The following ZNF10 variants were observed in gnomAD, a reference collection of about 807,000 sequenced individuals.
ZNF10 encodes zinc finger protein 10.
ZNF10 carries 8 observed loss-of-function variants against 12.2 expected under a neutral mutation model. The observed-to-expected ratio is 0.66, with a 90% CI of 0.39 to 1.18. The LOEUF (loss-of-function observed/expected upper bound fraction) is 1.18. ZNF10 is among the 50% of genes most tolerant of loss of function. The pLI, the probability that ZNF10 is intolerant of heterozygous loss-of-function variation, is 0.01. For missense variants in ZNF10, 603 were observed against 678.9 expected (o/e 0.89, Z 1.24); for synonymous variants, 229 against 228.2 (o/e 1.00, Z -0.03).
intron 2 of ZNF10, among the ~76,000 whole-genome samples, chr12:133,144,749 A>G (rs143947441): frequency 0.013 from 2,044 of 152,344 alleles, 18 homozygotes; most frequent in Middle Eastern, 0.024. Flanking sequence ...TAAAAATAGT[A>G]GAATAGTAGT....
intron 1 of ZNF10, among the ~76,000 whole-genome samples, chr12:133,137,352 C>T (rs1392873637): frequency 2.0e-5 from 3 of 152,210 alleles, no homozygotes; most frequent in African/African-American, 7.2e-5. Context: ...CTGAGAATGG[C>T]ATTCTTGGCT....
At chr12:133,151,206 A>G (rs200884607) in intron 3 of ZNF10, 52 bp downstream of exon 3, 515 of 1,563,888 alleles carry the variant, frequency 3.3e-4, no homozygotes, top group Non-Finnish European at 4.2e-4. Flanking sequence ...ATCAAAAGGT[A>G]CAGAGACCCT....
In ZNF10 at chr12:133,157,318, T is replaced by C. The variant is rs751939926; in HGVS notation, c.*350T>C. On this transcript the variant is annotated 3_prime_UTR_variant, in exon 5 of 5. Transcript: ENST00000248211. ...ATGAGTATGCTACTATAGGGAGAGT[T>C]GTTGCTGAGAATTAAGAAATGATAC... 2.8e-5 allele frequency: 5 copies of C among 176,310 alleles called. No individual in the cohort carries two copies. Among genetic ancestry groups the C allele is most frequent in the Non-Finnish European group, 5.9e-5 (5 of 84,646 alleles). 10.9% of individuals were successfully genotyped at this position (176,310 alleles called of 1,614,324 possible).
At chr12:133,150,921 T>C in intron 2 of ZNF10, 107 bp from the exon 3 acceptor site, 1 of 1,400,804 alleles carries the variant, frequency 7.1e-7, no homozygotes. Flanking sequence ...CCATCCACTT[T>C]ACCTGCCCCA....
intron 1 of ZNF10, 41 bp downstream of exon 1, chr12:133,130,795 C>T (rs1019096833): frequency 1.3e-5 from 2 of 152,304 alleles, no homozygotes; most frequent in Non-Finnish European, 2.9e-5. Context: ...GCATCGTCAT[C>T]AGGCGCGTGT....
intron 1 of ZNF10, among the ~76,000 whole-genome samples, chr12:133,138,925 T>C (rs1296343497): frequency 1.3e-5 from 2 of 152,236 alleles, no homozygotes; most frequent in African/African-American, 2.4e-5. Flanking sequence ...AAAAGGAACC[T>C]TGTACTCCTG....
chr12:133,148,752 T>G lies in ZNF10; in HGVS notation c.34-2276T>G, dbSNP rs1029397019. On this transcript the variant is annotated intron_variant, in intron 2 of 4. Transcript: ENST00000248211. ...GTTTCTAGGTTGTATTCAATGTTGGTTTTTTTTTTTTTTTTTTGAGTTGGA... is the reference window on the plus strand; with the variant it reads ...GTTTCTAGGTTGTATTCAATGTTGGGTTTTTTTTTTTTTTTTTGAGTTGGA... Among the ~76,000 whole-genome samples, 75 of 134,790 alleles carry G rather than the reference T, an allele frequency of 5.6e-4. 1 individual carries two copies. The highest frequency in any genetic ancestry group is 2.1e-3 in the African/African-American group (68 of 32,470). The allele number at this position is 134,790 out of a possible 152,430, so 88.4% of individuals were successfully genotyped here.
chr12:133,134,262 G>A (rs531185172), intron 1 of ZNF10, among the ~76,000 whole-genome samples: 2 of 151,900 alleles, frequency 1.3e-5, no homozygotes, highest in East Asian at 1.9e-4. Flanking sequence ...GCAATGAGCC[G>A]AGATTGCTTC....
chr12:133,156,767 C>A lies in ZNF10; in HGVS notation c.1521C>A (p.His507Gln). 6.3e-7 allele frequency: 1 copy of A among 1,592,552 alleles called. No individual in the cohort carries two copies. The highest frequency in any genetic ancestry group is 8.5e-7 in the Non-Finnish European group (1 of 1,171,360). ...AFIRKNDLIK[H>Q]QRIHVGEETY... ...TCCGGAAGAATGACCTCATTAAGCACCAGAGAATTCATGTTGGAGAAGAGA... is the reference window on the plus strand; with the variant it reads ...TCCGGAAGAATGACCTCATTAAGCAACAGAGAATTCATGTTGGAGAAGAGA... The change falls in exon 5 of 5, where the codon CAC becomes CAA. Residue 507 changes from histidine (H) to glutamine (Q), a missense_variant. Coordinates refer to ENST00000248211, the MANE Select transcript of ZNF10 (RefSeq NM_015394.5).
chr12:133,135,822 A>C (rs1001453961), intron 1 of ZNF10, among the ~76,000 whole-genome samples: 4 of 152,354 alleles, frequency 2.6e-5, no homozygotes, highest in African/African-American at 9.6e-5. Flanking sequence ...CCCAGCCCAG[A>C]ACACTGCACA....
intron 4 of ZNF10, among the ~76,000 whole-genome samples, chr12:133,153,044 C>G (rs1206984287): frequency 6.6e-6 from 1 of 151,798 alleles, no homozygotes; most frequent in African/African-American, 2.4e-5. Context: ...GTTATATTTT[C>G]TTTTTATTAC....
intron 4 of ZNF10, among the ~76,000 whole-genome samples, chr12:133,152,447 C>T (rs990570482): frequency 1.3e-5 from 2 of 152,134 alleles, no homozygotes; most frequent in African/African-American, 4.8e-5. Context: ...TGGAGTTTCA[C>T]TCAGTCTCCC....
Position 133,155,579 on chromosome 12 carries a change from T to G in ZNF10, c.333T>G (p.Ile111Met). 6.2e-7 allele frequency: 1 copy of G among 1,613,026 alleles called. No individual in the cohort carries two copies. The highest frequency in any genetic ancestry group is 8.5e-7 in the Non-Finnish European group (1 of 1,179,734). Reference sequence around the variant, plus strand: ...TTAAAGATAAGCAATCCTGTGACATTAAAATGGAAGGAATGGCAAGGAATG... The same window carrying G: ...TTAAAGATAAGCAATCCTGTGACATGAAAATGGAAGGAATGGCAAGGAATG... Reference protein sequence around the residue: ...SIFKDKQSCDIKMEGMARNDL... With the variant: ...SIFKDKQSCDMKMEGMARNDL... Residue 111 changes from isoleucine to methionine, a missense_variant, in exon 5 of 5, where the codon ATT becomes ATG. Coordinates refer to ENST00000248211, the MANE Select transcript of ZNF10 (RefSeq NM_015394.5).
In ZNF10 at chr12:133,159,031, A is replaced by G. The variant is rs569051168; in HGVS notation, c.*2063A>G. 1.3e-5 allele frequency: 2 copies of G among 152,376 alleles called. No homozygotes were observed. Among genetic ancestry groups the G allele is most frequent in the South Asian group, 4.1e-4 (2 of 4,828 alleles). The allele number at this position is 152,376 out of a possible 1,614,324, so 9.4% of individuals were successfully genotyped here. A position where few individuals can be genotyped will look rare whatever the true frequency, so the allele number is the denominator to read the frequency against. ...TTAACTGGGGCTCTTAACATTGCTA[A>G]TAACCTGTGGCTCAATTTCCTCAAC... On this transcript the variant is annotated 3_prime_UTR_variant, in exon 5 of 5. Coordinates refer to ENST00000248211, the MANE Select transcript of ZNF10 (RefSeq NM_015394.5).
intron 1 of ZNF10, among the ~76,000 whole-genome samples, chr12:133,140,076 GCCT>G (rs1164565549): frequency 2.6e-5 from 4 of 151,622 alleles, no homozygotes; most frequent in Admixed American, 2.6e-4. Context: ...GATGGTATGT[GCCT>G]TTGGTCCCAG....
intron 1 of ZNF10, 38 bp from the exon 2 acceptor site, chr12:133,144,396 C>T: frequency 7.4e-7 from 1 of 1,352,710 alleles, no homozygotes; most frequent in South Asian, 1.3e-5. Flanking sequence ...GCCTCCCAGT[C>T]ATAGCAAACT....
In ZNF10 at chr12:133,157,660, G is replaced by A. The variant is rs919360056; in HGVS notation, c.*692G>A. 2.6e-5 allele frequency: 4 copies of A among 152,188 alleles called. No individual in the cohort carries two copies. The highest frequency in any genetic ancestry group is 6.5e-5 in the Admixed American group (1 of 15,276). The allele number at this position is 152,188 out of a possible 1,614,324, so 9.4% of individuals were successfully genotyped here. A position where few individuals can be genotyped will look rare whatever the true frequency, so the allele number is the denominator to read the frequency against. ...GTTTTATAGTCTGTTTAATGTTGCT[G>A]TAATAATTATTTTAAGAAACTTTTA... On this transcript the variant is annotated 3_prime_UTR_variant, in exon 5 of 5. Transcript: ENST00000248211.
chr12:133,155,491 C>T lies in ZNF10; in HGVS notation c.257-12C>T. On this transcript the variant is annotated splice_polypyrimidine_tract_variant and intron_variant, in intron 4 of 4. Coordinates refer to ENST00000248211, the MANE Select transcript of ZNF10 (RefSeq NM_015394.5). ...TCTGTTTAGTTACACAAACATTTTT[C>T]ATTTCTTTCAGATTCAGAGACTGCA... 1 of 1,561,358 alleles carries T rather than the reference C, an allele frequency of 6.4e-7. No individual in the cohort carries two copies. Among genetic ancestry groups the T allele is most frequent in the Admixed American group, 2.0e-5 (1 of 49,556 alleles).
chr12:133,143,048 G>T (rs1270095368), intron 1 of ZNF10, among the ~76,000 whole-genome samples: 1 of 152,156 alleles, frequency 6.6e-6, no homozygotes, highest in African/African-American at 2.4e-5. Flanking sequence ...AAACATAGAT[G>T]AACCTTGAAA....
Sources: gnomAD v4.1 joint callset for allele counts (sites outside exome capture counted in the v4.1 genomes callset) on GRCh38, gnomAD v4.1.1 for gene constraint, MANE v1.5 for transcripts, NCBI Gene and HGNC (gene_info 2026-07-23, HGNC 2026-07-21) for gene names.